The following GALNTL6 variants were observed in gnomAD, a reference collection of about 807,000 sequenced individuals.
GALNTL6 encodes the protein polypeptide N-acetylgalactosaminyltransferase-like 6.
In GALNTL6, 46 loss-of-function variants were observed where a neutral mutation model predicts 73.7. The ratio of observed to expected loss-of-function variants is 0.62; its 90% CI spans 0.49 to 0.80. The LOEUF (loss-of-function observed/expected upper bound fraction) is 0.80. Ranked by LOEUF, GALNTL6 falls within the 30% of genes least tolerant of loss-of-function variation. GALNTL6 has a pLI of 0.00. For synonymous variants in GALNTL6, 259 were observed against 263.7 expected (o/e 0.98, Z 0.17); for missense variants, 604 against 755.0 (o/e 0.80, Z 2.34).
intron 5 of GALNTL6, among the ~76,000 whole-genome samples, chr4:172,644,583 T>C (rs556327348): frequency 6.6e-6 from 1 of 152,102 alleles, no homozygotes; most frequent in South Asian, 2.1e-4. Flanking sequence ...TTTTTATTGC[T>C]TTGTAATATT....
At chr4:172,471,884 C>G (rs901641957) in intron 5 of GALNTL6, among the ~76,000 whole-genome samples, 4 of 152,172 alleles carry the variant, frequency 2.6e-5, no homozygotes, top group Admixed American at 2.0e-4. Context: ...TCAGTTGGCT[C>G]ACTTAATTTT....
At chr4:172,953,203 C>G (rs1000266058) in intron 10 of GALNTL6, among the ~76,000 whole-genome samples, 4 of 152,210 alleles carry the variant, frequency 2.6e-5, no homozygotes, top group Non-Finnish European at 5.9e-5. Flanking sequence ...TTTAAAATAT[C>G]TATCTTTTGG....
At chr4:172,976,864 T>C (rs1297332921) in intron 10 of GALNTL6, among the ~76,000 whole-genome samples, 10 of 152,158 alleles carry the variant, frequency 6.6e-5, no homozygotes, top group Middle Eastern at 3.4e-3. Context: ...CCAACTAAAA[T>C]GCACAGGAGG....
chr4:172,482,078 G>T (rs1427554360), intron 5 of GALNTL6, among the ~76,000 whole-genome samples: 1 of 152,200 alleles, frequency 6.6e-6, no homozygotes, highest in Non-Finnish European at 1.5e-5. Flanking sequence ...CAGCAGTGCT[G>T]GGGGACCCGG....
intron 9 of GALNTL6, among the ~76,000 whole-genome samples, chr4:172,944,903 A>G (rs1749085388): frequency 6.6e-6 from 1 of 152,014 alleles, no homozygotes. Context: ...TAAAAAAAAT[A>G]CGAAAGTAGC....
rs566103600 is a variant in GALNTL6 at position 172,644,498 on chromosome 4, G to T, written c.554-164863G>T. Among the ~76,000 whole-genome samples, 23 of 151,724 alleles carry T rather than the reference G, an allele frequency of 1.5e-4. No homozygotes were observed. In the East Asian group the frequency reaches 4.5e-3, roughly 29 times the overall value. ...CAAATAAACAGAATCATACTCTCTT[G>T]TGTCTTTGAGTATCCACAGACACAC... On this transcript the variant is annotated intron_variant, in intron 5 of 12. Coordinates refer to ENST00000506823, the MANE Select transcript of GALNTL6 (RefSeq NM_001034845.3).
intron 2 of GALNTL6, among the ~76,000 whole-genome samples, chr4:172,043,516 G>A (rs142716317): frequency 5.8e-4 from 88 of 152,130 alleles, no homozygotes; most frequent in Middle Eastern, 3.4e-3. Flanking sequence ...ACACATGTGC[G>A]TGTGCATATA....
intron 2 of GALNTL6, among the ~76,000 whole-genome samples, chr4:172,004,111 C>T (rs953410328): frequency 2.0e-5 from 3 of 152,100 alleles, no homozygotes; most frequent in African/African-American, 4.8e-5. Flanking sequence ...AACTTTCAAG[C>T]TCTAGCTTCA....
chr4:172,927,009 C>G (rs994427545), intron 8 of GALNTL6, among the ~76,000 whole-genome samples: 8 of 152,160 alleles, frequency 5.3e-5, no homozygotes, highest in Non-Finnish European at 1.0e-4. Context: ...GCTTGTCTCA[C>G]AATTTGGAGG....
chr4:172,791,139 G>A (rs975669568), intron 5 of GALNTL6, among the ~76,000 whole-genome samples: 1 of 152,106 alleles, frequency 6.6e-6, no homozygotes. Context: ...AAAGGTAAAG[G>A]AACAGAAGGA....
chr4:172,691,090 G>A (rs773032768), intron 5 of GALNTL6, among the ~76,000 whole-genome samples: 1 of 152,202 alleles, frequency 6.6e-6, no homozygotes, highest in Non-Finnish European at 1.5e-5. Context: ...AGCACTGGAG[G>A]AGGCAGGAAA....
chr4:172,562,185 C>T (rs189658048), intron 5 of GALNTL6, among the ~76,000 whole-genome samples: 171 of 152,244 alleles, frequency 1.1e-3, no homozygotes, highest in African/African-American at 3.9e-3. Flanking sequence ...CCTCTCCAGC[C>T]AGTTGGGAGT....
At chr4:172,830,738 G>T (rs1399031663) in intron 7 of GALNTL6, among the ~76,000 whole-genome samples, 1 of 152,168 alleles carries the variant, frequency 6.6e-6, no homozygotes, top group Non-Finnish European at 1.5e-5. Context: ...TGAAGGGAGT[G>T]CACTGTCACT....
chr4:172,302,508 C>T (rs924563560), intron 3 of GALNTL6, among the ~76,000 whole-genome samples: 1 of 152,120 alleles, frequency 6.6e-6, no homozygotes, highest in African/African-American at 2.4e-5. Flanking sequence ...GCCATCTTGG[C>T]TCCACCTGTC....
Position 172,020,311 on chromosome 4 carries a change from C to G in GALNTL6, c.138+205593C>G, listed in dbSNP as rs1452482488. On this transcript the variant is annotated intron_variant, in intron 2 of 12. Coordinates refer to ENST00000506823, the MANE Select transcript of GALNTL6 (RefSeq NM_001034845.3). ...TTAGTAGAAGAAATAATAAAGATTACAGCAGAAATAAATAAAATTGAAATG... is the reference window on the plus strand; with the variant it reads ...TTAGTAGAAGAAATAATAAAGATTAGAGCAGAAATAAATAAAATTGAAATG... Among the ~76,000 whole-genome samples, 4 of 149,072 alleles carry G rather than the reference C, an allele frequency of 2.7e-5. No individual in the cohort carries two copies. The East Asian group carries it at 7.8e-4, about 29-fold the overall frequency.
At chr4:171,923,377 A>G (rs6553602) in intron 2 of GALNTL6, among the ~76,000 whole-genome samples, 85,618 of 148,600 alleles carry the variant, frequency 0.58, 26,970 homozygotes, top group African/African-American at 0.85. Flanking sequence ...ACTGAGCTGG[A>G]TTTCTGTTGA....
intron 5 of GALNTL6, among the ~76,000 whole-genome samples, chr4:172,702,515 T>C (rs1392655783): frequency 6.6e-6 from 1 of 150,404 alleles, no homozygotes; most frequent in African/African-American, 2.4e-5. Flanking sequence ...CCCCTCAAAA[T>C]TTTTATATTG....
intron 5 of GALNTL6, among the ~76,000 whole-genome samples, chr4:172,780,570 T>C (rs1338562832): frequency 6.6e-6 from 1 of 152,214 alleles, no homozygotes; most frequent in Non-Finnish European, 1.5e-5. Flanking sequence ...AACTTGTTGA[T>C]TTGAAATTTC....
At chr4:172,004,419 T>C (rs2110765654) in intron 2 of GALNTL6, among the ~76,000 whole-genome samples, 1 of 152,164 alleles carries the variant, frequency 6.6e-6, no homozygotes, top group African/African-American at 2.4e-5. Context: ...TGGTGGTTTT[T>C]TTTTCTTAAA....
Sources: gnomAD v4.1 joint callset for allele counts (sites outside exome capture counted in the v4.1 genomes callset) on GRCh38, gnomAD v4.1.1 for gene constraint, MANE v1.5 for transcripts, NCBI Gene and HGNC (gene_info 2026-07-23, HGNC 2026-07-21) for gene names.